Variants in IL1RAP observed in about 807,000 individuals in gnomAD.
The protein encoded by IL1RAP is interleukin 1 receptor accessory protein.
IL1RAP carries 35 observed loss-of-function variants against 60.7 expected under a neutral mutation model. The ratio of observed to expected loss-of-function variants is 0.58; its 90% confidence interval spans 0.44 to 0.76. The LOEUF is 0.76. IL1RAP is among the 30% of genes least tolerant of loss of function. The pLI is 0.00. For synonymous variants in IL1RAP, 268 were observed against 250.9 expected, an observed-to-expected ratio of 1.07 and a Z score of -0.64; for missense variants, 572 against 693.9, an observed-to-expected ratio of 0.82 and a Z score of 1.97.
chr3:190,517,661 T>C (rs192526784), intron 1 of IL1RAP, among the ~76,000 whole-genome samples: 2 of 152,212 alleles, frequency 1.3e-5, no homozygotes, highest in African/African-American at 4.8e-5. Context: ...AACGCAGATG[T>C]AGAAGGAACA....
At chr3:190,640,027 T>G (rs555507219) in intron 9 of IL1RAP, among the ~76,000 whole-genome samples, 16 of 152,212 alleles carry the variant, frequency 1.1e-4, no homozygotes, top group Non-Finnish European at 2.1e-4. Context: ...TGTGTAGCTT[T>G]GTATTTGGCC....
intron 3 of IL1RAP, among the ~76,000 whole-genome samples, chr3:190,583,255 T>C (rs1174128644): frequency 6.6e-6 from 1 of 152,234 alleles, no homozygotes; most frequent in Non-Finnish European, 1.5e-5. Context: ...GTATGTTTTA[T>C]GTGTAGCAAA....
chr3:190,627,457 G>T lies in IL1RAP; in HGVS notation c.902+8G>T, dbSNP rs767222770. On this transcript the variant is annotated splice_region_variant and intron_variant, in intron 8 of 11. Transcript: ENST00000447382. ...TGTCACCATTAACGAAAGGTATCAT[G>T]GGGGCCAGCAAGGGAGTGATTAACC... 6.2e-7 allele frequency: 1 copy of T among 1,609,846 alleles called. No homozygotes were observed. Among genetic ancestry groups the T allele is most frequent in the Non-Finnish European group, 8.5e-7 (1 of 1,178,476 alleles).
chr3:190,576,147 TAAGAGTA>T (rs1727425795), intron 3 of IL1RAP, among the ~76,000 whole-genome samples: 1 of 152,110 alleles, frequency 6.6e-6, no homozygotes, highest in East Asian at 1.9e-4. Context: ...TAAAAAACCC[TAAGAGTA>T]GTAGAAAAAA....
chr3:190,592,246 G>A (rs1381874864), intron 3 of IL1RAP, among the ~76,000 whole-genome samples: 1 of 152,134 alleles, frequency 6.6e-6, no homozygotes, highest in African/African-American at 2.4e-5. Flanking sequence ...TCTCGAACTC[G>A]ACCTCAGGTG....
chr3:190,572,444 A>AAGAG (rs35084810), intron 3 of IL1RAP, among the ~76,000 whole-genome samples: 1 of 151,564 alleles, frequency 6.6e-6, no homozygotes, highest in Admixed American at 6.6e-5. Flanking sequence ...GGGAGAGAGG[A>AAGAG]AGAGAGAGAG....
intron 1 of IL1RAP, among the ~76,000 whole-genome samples, chr3:190,530,702 T>C (rs1722910928): frequency 6.6e-6 from 1 of 152,222 alleles, no homozygotes; most frequent in Admixed American, 6.5e-5. Context: ...ATCATGTCAG[T>C]ATCATTTTGA....
intron 9 of IL1RAP, among the ~76,000 whole-genome samples, chr3:190,634,725 G>T (rs6763761): frequency 0.85 from 120,371 of 141,636 alleles, 51,261 homozygotes; most frequent in East Asian, 1. Context: ...TTTTGTTGTT[G>T]TTTTTTTTGA....
At chr3:190,638,344 T>C (rs920986028) in intron 9 of IL1RAP, among the ~76,000 whole-genome samples, 1 of 152,184 alleles carries the variant, frequency 6.6e-6, no homozygotes, top group Non-Finnish European at 1.5e-5. Flanking sequence ...AGTTTAATTC[T>C]TCATTTCCCT....
At chr3:190,584,920 A>G (rs1466993767) in intron 3 of IL1RAP, among the ~76,000 whole-genome samples, 3 of 152,148 alleles carry the variant, frequency 2.0e-5, no homozygotes, top group Non-Finnish European at 4.4e-5. Context: ...ATCTAGGAAG[A>G]TGAAAATGAC....
At chr3:190,622,826 G>A (rs571133725) in intron 6 of IL1RAP, among the ~76,000 whole-genome samples, 8 of 152,258 alleles carry the variant, frequency 5.3e-5, no homozygotes, top group African/African-American at 1.4e-4. Context: ...GCATTATTGA[G>A]TAAAAGGACT....
chr3:190,523,135 C>T (rs1170216369), intron 1 of IL1RAP, among the ~76,000 whole-genome samples: 1 of 152,066 alleles, frequency 6.6e-6, no homozygotes, highest in Non-Finnish European at 1.5e-5. Context: ...TCCTAGATAA[C>T]TACTTGGCTA....
chr3:190,654,047 A>G (rs1202276300), downstream of IL1RAP, among the ~76,000 whole-genome samples: 1 of 152,196 alleles, frequency 6.6e-6, no homozygotes, highest in African/African-American at 2.4e-5. Context: ...TGGAGTACCA[A>G]TAAAAAAATT....
chr3:190,649,435 C>T lies in IL1RAP; in HGVS notation c.*730C>T, dbSNP rs1734258851. On this transcript the variant is annotated 3_prime_UTR_variant, in exon 12 of 12. Transcript: ENST00000447382. ...CAACCCACATTTTTTCATTCCTTCT[C>T]CCTATCTGCTTATATCGCATTGCTC... is the stretch of plus-strand genomic sequence containing the variant. 1 of 985,686 alleles carries T rather than the reference C, an allele frequency of 1.0e-6. No homozygotes were observed. Among genetic ancestry groups the T allele is most frequent in the African/African-American group, 1.7e-5 (1 of 57,330 alleles). The allele number at this position is 985,686 out of a possible 1,614,324, so 61.1% of individuals were successfully genotyped here.
At chr3:190,612,576 C>T (rs1730912763) in intron 5 of IL1RAP, among the ~76,000 whole-genome samples, 1 of 152,056 alleles carries the variant, frequency 6.6e-6, no homozygotes, top group Admixed American at 6.6e-5. Flanking sequence ...TATTATTTTT[C>T]ACTTCTTTAT....
At chr3:190,583,796 C>T (rs1166208396) in intron 3 of IL1RAP, among the ~76,000 whole-genome samples, 1 of 152,152 alleles carries the variant, frequency 6.6e-6, no homozygotes, top group Non-Finnish European at 1.5e-5. Flanking sequence ...AAGAATGGAG[C>T]TATGATTAAA....
At chr3:190,640,304 A>G (rs1733564722) in intron 9 of IL1RAP, among the ~76,000 whole-genome samples, 1 of 152,142 alleles carries the variant, frequency 6.6e-6, no homozygotes, top group Non-Finnish European at 1.5e-5. Context: ...CAGTTGTCCA[A>G]CTTTTTACAA....
chr3:190,589,655 T>A (rs1728773759), intron 3 of IL1RAP, among the ~76,000 whole-genome samples: 1 of 152,136 alleles, frequency 6.6e-6, no homozygotes, highest in African/African-American at 2.4e-5. Flanking sequence ...GACTTTGTAA[T>A]TTTGCGTGGA....
chr3:190,601,098 C>A (rs1233346020), intron 3 of IL1RAP, among the ~76,000 whole-genome samples: 2 of 152,168 alleles, frequency 1.3e-5, no homozygotes, highest in Non-Finnish European at 2.9e-5. Flanking sequence ...AAGTCTCCTG[C>A]CTCAGCTTTC....
Sources: gnomAD v4.1 joint callset for allele counts (sites outside exome capture counted in the v4.1 genomes callset) on GRCh38, gnomAD v4.1.1 for gene constraint, MANE v1.5 for transcripts, NCBI Gene and HGNC (gene_info 2026-07-23, HGNC 2026-07-21) for gene names.